The following RNF180 variants were observed in gnomAD, a reference collection of about 807,000 sequenced individuals.
RNF180 encodes ring finger protein 180.
RNF180 carries 38 observed loss-of-function variants against 59.2 expected under a neutral mutation model. The observed-to-expected ratio is 0.64, with a 90% CI of 0.50 to 0.84. The LOEUF is 0.84. Among genes scored for constraint, RNF180 ranks in the 40% least tolerant of loss-of-function variants. The pLI is 0.00. For missense variants in RNF180, 705 were observed against 700.9 expected, an observed-to-expected ratio of 1.01 and a Z score of -0.07; for synonymous variants, 262 against 240.3, an observed-to-expected ratio of 1.09 and a Z score of -0.84.
chr5:64,302,802 A>G (rs1187585941), intron 5 of RNF180, among the ~76,000 whole-genome samples: 1 of 151,666 alleles, frequency 6.6e-6, no homozygotes, highest in African/African-American at 2.4e-5. Flanking sequence ...TGTAGGGGCT[A>G]CACTTAATCT....
intron 7 of RNF180, among the ~76,000 whole-genome samples, chr5:64,338,004 C>T (rs1288457546): frequency 2.0e-5 from 3 of 152,066 alleles, no homozygotes; most frequent in Non-Finnish European, 4.4e-5. Flanking sequence ...GATTTATAGT[C>T]CTTTGGGTAT....
chr5:64,296,419 TTTA>T (rs1742882812), intron 5 of RNF180, among the ~76,000 whole-genome samples: 1 of 152,140 alleles, frequency 6.6e-6, no homozygotes, highest in Non-Finnish European at 1.5e-5. Flanking sequence ...TGTTGCAAAT[TTTA>T]TTGACTCAAG....
At chr5:64,295,764 C>T (rs1225806716) in intron 5 of RNF180, among the ~76,000 whole-genome samples, 2 of 152,158 alleles carry the variant, frequency 1.3e-5, no homozygotes, top group African/African-American at 4.8e-5. Flanking sequence ...TCTCTAGAGT[C>T]TTGCTAGTTT....
intron 7 of RNF180, among the ~76,000 whole-genome samples, chr5:64,355,648 AC>A (rs1341368024): frequency 6.6e-6 from 1 of 151,968 alleles, no homozygotes; most frequent in Non-Finnish European, 1.5e-5. Flanking sequence ...ATCAAAACTT[AC>A]TACAAAGCTA....
At chr5:64,317,623 T>TATAC (rs1225454436) in intron 5 of RNF180, among the ~76,000 whole-genome samples, 32 of 144,958 alleles carry the variant, frequency 2.2e-4, no homozygotes, top group African/African-American at 7.7e-4. Flanking sequence ...CACACATATA[T>TATAC]ACACACACAC....
chr5:64,226,770 C>T lies in RNF180; in HGVS notation c.1227+9374C>T, dbSNP rs368363855. On this transcript the variant is annotated intron_variant, in intron 5 of 7. Coordinates refer to ENST00000389100, the MANE Select transcript of RNF180 (RefSeq NM_001113561.2). The stretch of plus-strand genomic sequence containing the variant: ...AGCTGGTAACAGAGTTCTTTAGCCT[C>T]CAAAATACAAGCCTGGGGTAAATAA... Among the ~76,000 whole-genome samples, 6 of 152,220 alleles carry T rather than the reference C, an allele frequency of 3.9e-5. No individual in the cohort carries two copies. The South Asian group carries it at 1.2e-3, about 32-fold the overall frequency.
At chr5:64,282,830 G>A (rs1157342539) in intron 5 of RNF180, among the ~76,000 whole-genome samples, 1 of 152,082 alleles carries the variant, frequency 6.6e-6, no homozygotes, top group Non-Finnish European at 1.5e-5. Flanking sequence ...ATTGACTTTA[G>A]TATTGATTTC....
chr5:64,267,338 TTTTATTTA>T (rs549621218), intron 5 of RNF180, among the ~76,000 whole-genome samples: 174 of 152,136 alleles, frequency 1.1e-3, no homozygotes, highest in Non-Finnish European at 2.1e-3. Flanking sequence ...ACTTTGATTC[TTTTATTTA>T]TTTATTTATT....
intron 5 of RNF180, among the ~76,000 whole-genome samples, chr5:64,298,484 C>G (rs1743006196): frequency 2.0e-5 from 3 of 151,896 alleles, no homozygotes; most frequent in African/African-American, 7.2e-5. Context: ...TTTCTTATAG[C>G]TATGTCTTAC....
At chr5:64,339,004 C>T (rs1422937999) in intron 7 of RNF180, among the ~76,000 whole-genome samples, 2 of 151,712 alleles carry the variant, frequency 1.3e-5, no homozygotes, top group African/African-American at 4.8e-5. Flanking sequence ...TTGTCAATTT[C>T]TTCCTAAGTT....
intron 2 of RNF180, among the ~76,000 whole-genome samples, chr5:64,206,440 C>A (rs1752020594): frequency 6.6e-6 from 1 of 152,160 alleles, no homozygotes; most frequent in African/African-American, 2.4e-5. Flanking sequence ...CCTCCTCCCT[C>A]ATGTTTTTTG....
At chr5:64,336,747 G>T (rs1180965181) in intron 7 of RNF180, among the ~76,000 whole-genome samples, 7 of 151,672 alleles carry the variant, frequency 4.6e-5, no homozygotes, top group Non-Finnish European at 7.4e-5. Context: ...TTTACTATGG[G>T]GGTTTCTGCC....
intron 5 of RNF180, among the ~76,000 whole-genome samples, chr5:64,291,184 T>C (rs6859427): frequency 0.25 from 38,215 of 152,052 alleles, 4,955 homozygotes; most frequent in Middle Eastern, 0.33. Flanking sequence ...CTTGTAGAGT[T>C]TCCACTGAAG....
intron 5 of RNF180, among the ~76,000 whole-genome samples, chr5:64,298,515 TCTTA>T (rs1450787266): frequency 6.6e-6 from 1 of 152,038 alleles, no homozygotes; most frequent in East Asian, 1.9e-4. Flanking sequence ...AGTGAAACTT[TCTTA>T]CTGAGGGGTA....
chr5:64,280,141 G>T (rs1214380671), intron 5 of RNF180, among the ~76,000 whole-genome samples: 1 of 152,080 alleles, frequency 6.6e-6, no homozygotes, highest in Non-Finnish European at 1.5e-5. Flanking sequence ...ACAAGTGTCT[G>T]TTCATGTCCT....
At chr5:64,254,054 G>A (rs1166450878) in intron 5 of RNF180, among the ~76,000 whole-genome samples, 2 of 152,118 alleles carry the variant, frequency 1.3e-5, no homozygotes, top group African/African-American at 4.8e-5. Context: ...GATATCCTGA[G>A]CTTGCAAACT....
At chr5:64,190,259 G>A (rs758601467) in intron 1 of RNF180, among the ~76,000 whole-genome samples, 2 of 152,298 alleles carry the variant, frequency 1.3e-5, no homozygotes, top group Non-Finnish European at 2.9e-5. Flanking sequence ...GAACTTGCTT[G>A]CAACCTGTCA....
chr5:64,271,049 A>G (rs1741368175), intron 5 of RNF180, among the ~76,000 whole-genome samples: 1 of 152,088 alleles, frequency 6.6e-6, no homozygotes, highest in African/African-American at 2.4e-5. Flanking sequence ...GATTTGAAGG[A>G]AACATATTTC....
At chr5:64,234,294 G>A (rs747888760) in intron 5 of RNF180, among the ~76,000 whole-genome samples, 5 of 151,822 alleles carry the variant, frequency 3.3e-5, no homozygotes, top group South Asian at 2.1e-4. Context: ...GCGAAACCCC[G>A]TCTCTACTAA....
Sources: gnomAD v4.1 joint callset for allele counts (sites outside exome capture counted in the v4.1 genomes callset) on GRCh38, gnomAD v4.1.1 for gene constraint, MANE v1.5 for transcripts, NCBI Gene and HGNC (gene_info 2026-07-23, HGNC 2026-07-21) for gene names.